Variants in SYNE1 observed in about 807,000 individuals in gnomAD.
SYNE1 encodes spectrin repeat containing nuclear envelope protein 1.
SYNE1 carries 616 observed loss-of-function variants against 1,111.0 expected under a neutral mutation model. That is an observed-to-expected ratio of 0.55 (90% CI 0.52 to 0.59). SYNE1 has a LOEUF of 0.59. Among genes scored for constraint, SYNE1 ranks in the 20% least tolerant of loss-of-function variants. The pLI is 0.00. For synonymous variants in SYNE1, 3,855 were observed against 3,825.8 expected, an observed-to-expected ratio of 1.01 and a Z score of -0.28; for missense variants, 10,006 against 10,417.0, an observed-to-expected ratio of 0.96 and a Z score of 1.72.
intron 3 of SYNE1, among the ~76,000 whole-genome samples, chr6:152,600,366 G>A (rs1458379593): frequency 1.3e-5 from 2 of 152,032 alleles, no homozygotes; most frequent in East Asian, 3.9e-4. Flanking sequence ...TCAAATGGCT[G>A]GTAAAGGGTG....
intron 141 of SYNE1, among the ~76,000 whole-genome samples, chr6:152,136,290 G>T (rs540985755): frequency 1.3e-5 from 2 of 152,318 alleles, no homozygotes; most frequent in East Asian, 1.9e-4. Context: ...TTCAAGAAGG[G>T]TCTGCCTACT....
At chr6:152,572,603 T>C (rs1198360584) in intron 3 of SYNE1, among the ~76,000 whole-genome samples, 2 of 152,212 alleles carry the variant, frequency 1.3e-5, no homozygotes, top group African/African-American at 4.8e-5. Context: ...TCAGTAATAC[T>C]ACTCATCGTT....
intron 108 of SYNE1, among the ~76,000 whole-genome samples, chr6:152,239,317 C>T (rs2084979706): frequency 6.6e-6 from 1 of 152,134 alleles, no homozygotes; most frequent in African/African-American, 2.4e-5. Context: ...ATCTATCTTA[C>T]TTTCGACATG....
chr6:152,193,838 T>C (rs2763019), intron 127 of SYNE1, among the ~76,000 whole-genome samples: 6,927 of 151,706 alleles, frequency 0.046, 191 homozygotes, highest in African/African-American at 0.058. Context: ...GGTGAAACCC[T>C]GTCTCTACTA....
At chr6:152,277,930 A>C in intron 98 of SYNE1, 159 bp downstream of exon 98, 2 of 832,244 alleles carry the variant, frequency 2.4e-6, no homozygotes, top group Non-Finnish European at 4.1e-6. Flanking sequence ...AAAGTCCAAG[A>C]GTGTAAACTT....
At chr6:152,171,220 T>A (rs939029142) in intron 130 of SYNE1, among the ~76,000 whole-genome samples, 1 of 152,212 alleles carries the variant, frequency 6.6e-6, no homozygotes, top group East Asian at 1.9e-4. Context: ...TTTATACATG[T>A]GGTAACCGAG....
intron 63 of SYNE1, 128 bp from the exon 64 acceptor site, chr6:152,362,451 G>A (rs1361943286): frequency 9.5e-6 from 12 of 1,266,988 alleles, no homozygotes; most frequent in East Asian, 4.8e-5. Context: ...TTGCTTGGGA[G>A]TGAGCAGGCT....
In SYNE1 at chr6:152,330,570, G is replaced by A. The variant is rs377739292; in HGVS notation, c.14115C>T (p.Ala4705=). The A allele has an allele frequency of 3.4e-5, 55 of 1,613,766 alleles. No individual in the cohort carries two copies. The African/African-American group carries it at 5.5e-4, about 16-fold the overall frequency. The change falls in exon 78 of 146, where the codon GCC becomes GCT. Residue 4705 remains alanine (A), a synonymous_variant. Coordinates refer to ENST00000367255, the MANE Select transcript of SYNE1 (RefSeq NM_182961.4). ...LRMSKVPTDL[A]VEEALSLQDG... is the part of the protein sequence containing the mutation. ...CTTGCAGAGAAAGAGCCTCCTCAAC[G>A]GCCAGGTCGGTGGGAACTTTGCTCA... is the stretch of plus-strand genomic sequence containing the variant.
At chr6:152,368,296 A>C (rs966929213) in intron 61 of SYNE1, 6 of 152,860 alleles carry the variant, frequency 3.9e-5, no homozygotes, top group African/African-American at 1.4e-4. Context: ...CACAGTTCAA[A>C]ATGGGTCTAC....
chr6:152,216,364 AG>A (rs1216138592), intron 121 of SYNE1, among the ~76,000 whole-genome samples: 11 of 152,200 alleles, frequency 7.2e-5, no homozygotes, highest in Non-Finnish European at 1.5e-4. Flanking sequence ...GACATGATAG[AG>A]CATGGAAGAA....
chr6:152,148,931 C>T lies in SYNE1; in HGVS notation c.24642+546G>A, dbSNP rs1038513893. 3.9e-5 allele frequency among the ~76,000 whole-genome samples: 6 copies of T among 152,082 alleles called. No homozygotes were observed. Among genetic ancestry groups the T allele is most frequent in the Non-Finnish European group, 8.8e-5 (6 of 68,026 alleles). On this transcript the variant is annotated intron_variant, in intron 136 of 145. Transcript: ENST00000367255. This position sits in a 1 kb window ranked among gnomAD's most constrained non-coding sequence, Gnocchi z 4.1. ...AGCCCAGATATAAAATAGGTTTGATCGTAGAAGATTCCAAATACTCTAATA... is the reference window on the plus strand; with the variant it reads ...AGCCCAGATATAAAATAGGTTTGATTGTAGAAGATTCCAAATACTCTAATA...
intron 3 of SYNE1, among the ~76,000 whole-genome samples, chr6:152,627,227 T>G (rs2128969443): frequency 6.6e-6 from 1 of 152,308 alleles, no homozygotes; most frequent in East Asian, 1.9e-4. Context: ...AAGCAATATC[T>G]TTAGATAACT....
chr6:152,274,912 C>G (rs1353953211), intron 98 of SYNE1, among the ~76,000 whole-genome samples: 2 of 151,818 alleles, frequency 1.3e-5, no homozygotes, highest in African/African-American at 4.8e-5. Flanking sequence ...TTTTAGTTGG[C>G]GTCTCACACT....
chr6:152,172,688 C>T (rs1423524026), intron 130 of SYNE1, among the ~76,000 whole-genome samples: 2 of 152,148 alleles, frequency 1.3e-5, no homozygotes, highest in Non-Finnish European at 2.9e-5. Context: ...AAAACGAGAG[C>T]CAGTATTCTT....
At chr6:152,300,601 C>T (rs746567435) in intron 93 of SYNE1, 40 bp downstream of exon 93, 1 of 1,613,618 alleles carries the variant, frequency 6.2e-7, no homozygotes, top group Non-Finnish European at 8.5e-7. Flanking sequence ...CCTGCATCTG[C>T]CCAGAGATTA....
At chr6:152,568,001 A>C (rs818448) in intron 3 of SYNE1, among the ~76,000 whole-genome samples, 45,487 of 151,846 alleles carry the variant, frequency 0.3, 7,851 homozygotes, top group Non-Finnish European at 0.4. Flanking sequence ...GGAAAACTAG[A>C]GGGCAAATGA....
chr6:152,451,781 A>G lies in SYNE1; in HGVS notation c.3028-576T>C, dbSNP rs575605860. Among the ~76,000 whole-genome samples, 13 of 152,150 alleles carry G rather than the reference A, an allele frequency of 8.5e-5. No individual in the cohort carries two copies. The East Asian group carries it at 2.1e-3, about 25-fold the overall frequency. On this transcript the variant is annotated intron_variant, in intron 25 of 145. Transcript: ENST00000367255. Reference sequence around the variant, plus strand: ...TAGGCGTGAGCCACTAAGTCTGGCCAGTGCTGCACAGTATTAATGTTCTTA... The same window carrying G: ...TAGGCGTGAGCCACTAAGTCTGGCCGGTGCTGCACAGTATTAATGTTCTTA...
chr6:152,522,356 G>A (rs1017343909), intron 5 of SYNE1, among the ~76,000 whole-genome samples: 10 of 152,080 alleles, frequency 6.6e-5, no homozygotes, highest in Non-Finnish European at 1.5e-4. Context: ...ATGGCCTCCA[G>A]CTCCATCCAA....
chr6:152,484,038 CAAAAAAAAAAAAA>C (rs773019397), intron 13 of SYNE1, among the ~76,000 whole-genome samples: 1 of 53,522 alleles, frequency 1.9e-5, no homozygotes, highest in South Asian at 8.7e-4. Flanking sequence ...CTCATCTCTA[CAAAAAAAAAAAAA>C]AAAAAAAAAA....
Sources: gnomAD v4.1 joint callset for allele counts (sites outside exome capture counted in the v4.1 genomes callset) on GRCh38, gnomAD v4.1.1 for gene constraint, Gnocchi (gnomAD v3.1) non-coding constraint, MANE v1.5 for transcripts, NCBI Gene and HGNC (gene_info 2026-07-23, HGNC 2026-07-21) for gene names.